Variants in LIG4 observed in about 807,000 individuals in gnomAD.
The protein encoded by LIG4 is DNA ligase 4, also known as DNA joinase.
A neutral mutation model predicts 19.0 loss-of-function variants in LIG4; 13 were observed. The ratio of observed to expected loss-of-function variants is 0.68; its 90% CI spans 0.44 to 1.09. LIG4 has a LOEUF of 1.09. LIG4 is among the 50% of genes least tolerant of loss of function. LIG4 has a pLI of 0.00. For synonymous variants in LIG4, 361 were observed against 358.2 expected (o/e 1.01, Z -0.09); for missense variants, 1,026 against 1,089.7 (o/e 0.94, Z 0.82).
chr13:108,210,126 A>G lies in LIG4; in HGVS notation c.1143T>C (p.Thr381=). Residue 381 remains threonine, a synonymous_variant, in exon 3 of 3, where the codon ACT becomes ACC. Transcript: ENST00000442234. The part of the protein sequence containing the change: ...MVNNKKLGHE[T]LRKRYEILSS... ...TAAGAATCTCATACCTCTTTCTCAGAGTCTCATGCCCTAGCTTTTTATTAT... is the reference window on the plus strand; with the variant it reads ...TAAGAATCTCATACCTCTTTCTCAGGGTCTCATGCCCTAGCTTTTTATTAT... 1.2e-6 allele frequency: 2 copies of G among 1,613,766 alleles called. No individual in the cohort carries two copies. The highest frequency in any genetic ancestry group is 1.7e-6 in the Non-Finnish European group (2 of 1,179,970).
At chr13:108,214,407 G>A (rs1358467392) in intron 2 of LIG4, 131 bp downstream of exon 2, 1 of 152,132 alleles carries the variant, frequency 6.6e-6, no homozygotes, top group Non-Finnish European at 1.5e-5. Flanking sequence ...TTCCCTCCAA[G>A]CCTAAAGTCT....
upstream of LIG4, among the ~76,000 whole-genome samples, chr13:108,217,413 G>A (rs1879362218): frequency 6.6e-6 from 1 of 152,086 alleles, no homozygotes; most frequent in Admixed American, 6.5e-5. Context: ...CAGCTACTCC[G>A]GAGGCTGAGG....
upstream of LIG4, among the ~76,000 whole-genome samples, chr13:108,217,435 C>G (rs1439210493): frequency 6.6e-6 from 1 of 152,230 alleles, no homozygotes; most frequent in Non-Finnish European, 1.5e-5. Flanking sequence ...AGGAGAATCG[C>G]TTGAACCCGG....
rs1326656542 is a variant in LIG4 at position 108,210,293 on chromosome 13, A to T, written c.976T>A (p.Cys326Ser). The T allele has an allele frequency of 1.9e-6, 3 of 1,613,982 alleles. No individual in the cohort carries two copies. The South Asian group carries it at 3.3e-5, about 18-fold the overall frequency. Residue 326 changes from cysteine to serine, a missense_variant, in exon 3 of 3, where the codon TGT becomes AGT. This residue lies in a region of LIG4 where 493 missense variants were observed against 544.5 expected (regional missense o/e 0.91). Transcript: ENST00000442234. ...HNAFKADIQI[C>S]ILDGEMMAYN... is the part of the protein sequence containing the mutation. Reference sequence around the variant, plus strand: ...GCCATCATCTCACCATCAAGAATACAGATTTGTATATCTGCTTTGAATGCA... The same window carrying T: ...GCCATCATCTCACCATCAAGAATACTGATTTGTATATCTGCTTTGAATGCA...
In LIG4 at chr13:108,209,604, G is replaced by C. The variant is rs199899046; in HGVS notation, c.1665C>G (p.Val555=). Residue 555 remains valine (V), a synonymous_variant, in exon 3 of 3, where the codon GTC becomes GTG. Coordinates refer to ENST00000442234, the MANE Select transcript of LIG4 (RefSeq NM_206937.2). ...TCTCTGCTGCTTTAATCTGAACAATGACAGAATTACAAGGTTCAATGTATA... is the reference window on the plus strand; with the variant it reads ...TCTCTGCTGCTTTAATCTGAACAATCACAGAATTACAAGGTTCAATGTATA... ...PEVYIEPCNS[V]IVQIKAAEIV... 1 of 1,614,088 alleles carries C rather than the reference G, an allele frequency of 6.2e-7. No individual in the cohort carries two copies. Among genetic ancestry groups the C allele is most frequent in the African/African-American group, 1.3e-5 (1 of 75,034 alleles).
chr13:108,213,351 A>G (rs975370589), intron 2 of LIG4, among the ~76,000 whole-genome samples: 2 of 152,246 alleles, frequency 1.3e-5, no homozygotes, highest in Non-Finnish European at 2.9e-5. Context: ...AAATATTGGT[A>G]TATAGTTTCT....
chr13:108,210,408 T>C lies in LIG4; in HGVS notation c.861A>G (p.Val287=). The C allele has an allele frequency of 2.5e-6, 4 of 1,613,678 alleles. No individual in the cohort carries two copies. In the South Asian group the frequency reaches 3.3e-5, roughly 13 times the overall value. ...ATCCATTTCGAGAGAAGTATTTATA[T>C]ACATCTCCATCTTTGTGCATTTGCA... ...ERMQMHKDGD[V]YKYFSRNGYN... Residue 287 remains valine (V), a synonymous_variant, in exon 3 of 3, where the codon GTA becomes GTG. Coordinates refer to ENST00000442234, the MANE Select transcript of LIG4 (RefSeq NM_206937.2).
intron 1 of LIG4, 65 bp from the exon 2 acceptor site, chr13:108,214,675 G>C (rs529564205): frequency 6.6e-6 from 1 of 152,180 alleles, no homozygotes; most frequent in East Asian, 1.9e-4. Flanking sequence ...CAGTTCCAGG[G>C]AGTCAAAAAC....
chr13:108,210,005 T>C lies in LIG4; in HGVS notation c.1264A>G (p.Ile422Val). 1 of 1,612,240 alleles carries C rather than the reference T, an allele frequency of 6.2e-7. No homozygotes were observed. The highest frequency in any genetic ancestry group is 8.5e-7 in the Non-Finnish European group (1 of 1,179,980). ...NEVIDALNEA[I>V]DKREEGIMVK... ...ATAATTCCCTCTTCTCTTTTATCTATTGCTTCATTCAATGCATCAATTACT... is the reference window on the plus strand; with the variant it reads ...ATAATTCCCTCTTCTCTTTTATCTACTGCTTCATTCAATGCATCAATTACT... The change falls in exon 3 of 3, where the codon ATA becomes GTA. Residue 422 changes from isoleucine to valine, a missense_variant. Ile to Val is a conservative substitution (Grantham distance 29). Around this residue, in one of 3 missense-constraint regions of LIG4, gnomAD observed 493 missense variants for 544.5 expected, o/e 0.91. Transcript: ENST00000442234.
upstream of LIG4, chr13:108,218,230 T>C (rs188421735): frequency 6.6e-6 from 1 of 152,206 alleles, no homozygotes; most frequent in Non-Finnish European, 1.5e-5. Flanking sequence ...CACGGAGGCC[T>C]CGGGTACGGA....
At chr13:108,214,111 T>C (rs952681390) in intron 2 of LIG4, among the ~76,000 whole-genome samples, 2 of 152,154 alleles carry the variant, frequency 1.3e-5, no homozygotes, top group Non-Finnish European at 2.9e-5. Flanking sequence ...CGGCAGGTTT[T>C]ATTCAGTGAC....
chr13:108,208,708 G>T lies in LIG4; in HGVS notation c.2561C>A (p.Ser854Tyr), dbSNP rs756076064. 6.2e-7 allele frequency: 1 copy of T among 1,614,134 alleles called. No individual in the cohort carries two copies. Among genetic ancestry groups the T allele is most frequent in the Non-Finnish European group, 8.5e-7 (1 of 1,180,032 alleles). ...ATGAGACACTCCCTCAGCTAAACAA[G>T]AAACTACTTTTGCTCCATGAAACCG... ...ELRFHGAKVV[S>Y]CLAEGVSHVI... Residue 854 changes from serine to tyrosine, a missense_variant, in exon 3 of 3, where the codon TCT becomes TAT. Transcript: ENST00000442234.
At position 108,209,420 on chromosome 13, in the gene LIG4, T is replaced by C. The variant is rs1161384624; in HGVS notation, c.1849A>G (p.Ile617Val). 4 of 1,614,218 alleles carry C rather than the reference T, an allele frequency of 2.5e-6. No individual in the cohort carries two copies. Among genetic ancestry groups the C allele is most frequent in the South Asian group, 2.2e-5 (2 of 91,084 alleles). The change falls in exon 3 of 3, where the codon ATA becomes GTA. Residue 617 changes from isoleucine (I) to valine (V), a missense_variant. Ile to Val is a conservative substitution (Grantham distance 29). Transcript: ENST00000442234. Reference sequence around the variant, plus strand: ...TCTTGTGGTTCATCATCACCACCTATATAAAGGTGTTTAGATGCGAGCTTA... The same window carrying C: ...TCTTGTGGTTCATCATCACCACCTACATAAAGGTGTTTAGATGCGAGCTTA... ...SGKLASKHLY[I>V]GGDDEPQEKK...
chr13:108,208,980 A>G lies in LIG4; in HGVS notation c.2289T>C (p.Asp763=), dbSNP rs1371479521. The stretch of plus-strand genomic sequence containing the variant: ...TCAAGTCTGTATCAATGAAATAACT[A>G]TCACCATAGCAATCATATTCACGGG... The part of the protein sequence containing the change: ...HFAREYDCYG[D]SYFIDTDLNQ... Residue 763 remains aspartate (D), a synonymous_variant, in exon 3 of 3, where the codon GAT becomes GAC. Transcript: ENST00000442234. The G allele has an allele frequency of 2.5e-6, 4 of 1,614,050 alleles. No homozygotes were observed. In the Admixed American group the frequency reaches 6.7e-5, roughly 27 times the overall value.
chr13:108,213,477 C>A (rs904876151), intron 2 of LIG4, among the ~76,000 whole-genome samples: 2 of 152,224 alleles, frequency 1.3e-5, no homozygotes, highest in African/African-American at 4.8e-5. Context: ...TGTGGATACA[C>A]ATGTATCCTA....
rs183928755 is a variant in LIG4, at chr13:108,208,657, C to T, written c.2612G>A (p.Arg871His). ...SHVIIGEDHSRVADFKAFRRT... is the reference protein window; with the variant it reads ...SHVIIGEDHSHVADFKAFRRT... ...TCTAAAAGCTTTAAAATCTGCAACA[C>T]GACTATGATCTTCCCCAATTATTAC... Residue 871 changes from arginine to histidine, a missense_variant, in exon 3 of 3, where the codon CGT becomes CAT. Arg to His is a conservative substitution (Grantham distance 29). Transcript: ENST00000442234. 3.2e-5 allele frequency: 51 copies of T among 1,613,998 alleles called. No individual in the cohort carries two copies. Among genetic ancestry groups the T allele is most frequent in the East Asian group, 6.7e-5 (3 of 44,888 alleles).
At chr13:108,216,705 C>A (rs916832506), upstream of LIG4, among the ~76,000 whole-genome samples, 2 of 152,108 alleles carry the variant, frequency 1.3e-5, no homozygotes, top group African/African-American at 2.4e-5. Flanking sequence ...CTCCACTTGC[C>A]CATCTTAGGA....
rs750736898 is a variant in LIG4 at position 108,211,217 on chromosome 13, C to T, written c.52G>A (p.Asp18Asn). Reference protein sequence around the residue: ...QTVASHVPFADLCSTLERIQK... With the variant: ...QTVASHVPFANLCSTLERIQK... ...ATTCGTTCTAAAGTTGAACACAAAT[C>T]TGCAAAAGGAACGTGAGATGCAACA... The change falls in exon 3 of 3, where the codon GAT becomes AAT. Residue 18 changes from aspartate to asparagine, a missense_variant. This residue lies in a region of LIG4 where 493 missense variants were observed against 544.5 expected (regional missense o/e 0.91). Transcript: ENST00000442234. 1.1e-5 allele frequency: 18 copies of T among 1,613,070 alleles called. No individual in the cohort carries two copies. The highest frequency in any genetic ancestry group is 1.4e-5 in the Non-Finnish European group (17 of 1,179,948).
At chr13:108,213,938 A>G (rs542488708) in intron 2 of LIG4, among the ~76,000 whole-genome samples, 90 of 152,360 alleles carry the variant, frequency 5.9e-4, no homozygotes, top group Non-Finnish European at 5.1e-4. Flanking sequence ...TAAAATATAA[A>G]TATTGCAAAA....
Sources: allele counts gnomAD v4.1 joint callset (sites outside exome capture counted in the v4.1 genomes callset), GRCh38; gene constraint gnomAD v4.1.1; regional missense constraint gnomAD v4.1.1; transcripts MANE v1.5; gene names NCBI Gene and HGNC (gene_info 2026-07-23, HGNC 2026-07-21).